The following HEMK1 variants were observed in gnomAD, a reference collection of about 807,000 sequenced individuals.
HEMK1 encodes the protein HemK methyltransferase 1, mitochondrial release factors N(5)-glutamine.
Under a neutral mutation model 47.9 loss-of-function variants are expected in HEMK1, and 36 were observed. That is an observed-to-expected ratio of 0.75 (90% CI 0.58 to 0.99). The LOEUF (loss-of-function observed/expected upper bound fraction) is 0.99, where lower values mean the gene tolerates loss of function less well. HEMK1 is among the 50% of genes least tolerant of loss of function. HEMK1 has a pLI of 0.00. For synonymous variants in HEMK1, 153 were observed against 165.4 expected (o/e 0.93, Z 0.57); for missense variants, 383 against 434.5 (o/e 0.88, Z 1.05).
At chr3:50,573,200 AG>A (rs1374946518) in intron 4 of HEMK1, among the ~76,000 whole-genome samples, 1 of 152,042 alleles carries the variant, frequency 6.6e-6, no homozygotes, top group Non-Finnish European at 1.5e-5. Flanking sequence ...CTGAAGTCAC[AG>A]GGCTGTCAAG....
rs2031728944 is a variant in HEMK1 at position 50,591,672 on chromosome 3, G to GTGTGTGTGTGTGTGTGTT, written c.*11272_*11273insTTGTGTGTGTGTGTGTGT. 6.7e-6 allele frequency: 1 copy of GTGTGTGTGTGTGTGTGTT among 149,802 alleles called. No individual in the cohort carries two copies. The highest frequency in any genetic ancestry group is 6.6e-5 in the Admixed American group (1 of 15,050). 9.3% of individuals were successfully genotyped at this position (149,802 alleles called of 1,614,324 possible). ...GGGTTGCATGCATGCACGTGTGTGT[G>GTGTGTGTGTGTGTGTGTT]TGTGTGTGTGTGTGTGTGTGTGTGT... On this transcript the variant is annotated 3_prime_UTR_variant, in exon 11 of 11. Coordinates refer to ENST00000232854, the MANE Select transcript of HEMK1 (RefSeq NM_016173.5).
rs2031690982 is a variant in HEMK1 at position 50,590,961 on chromosome 3, A to C, written c.*10544A>C. ...TGTGCTTTGGAAAGAGAGAAATGAG[A>C]AGCAAAACCCTAGGGCCCCAGTATC... On this transcript the variant is annotated 3_prime_UTR_variant, in exon 11 of 11. Coordinates refer to ENST00000232854, the MANE Select transcript of HEMK1 (RefSeq NM_016173.5). The C allele has an allele frequency of 6.6e-6, 1 of 152,186 alleles. No individual in the cohort carries two copies. Among genetic ancestry groups the C allele is most frequent in the Admixed American group, 6.5e-5 (1 of 15,280 alleles). The allele number at this position is 152,186 out of a possible 1,614,324, so 9.4% of individuals were successfully genotyped here.
At chr3:50,572,238 C>G (rs368055857) in intron 4 of HEMK1, 30 bp downstream of exon 4, 3 of 1,567,772 alleles carry the variant, frequency 1.9e-6, no homozygotes, top group Non-Finnish European at 2.6e-6. Flanking sequence ...AAGGCAGGAT[C>G]AGGATGATGG....
At position 50,592,867 on chromosome 3, in the gene HEMK1, G is replaced by T. The variant is rs1221419401; in HGVS notation, c.*12450G>T. ...GAGCACTGTGCCCGAGGCAAAGCTG[G>T]CCCCGTGGAGTTTGCTATTCCAGCT... On this transcript the variant is annotated 3_prime_UTR_variant, in exon 11 of 11. Transcript: ENST00000232854. 1.3e-5 allele frequency: 2 copies of T among 152,526 alleles called. No homozygotes were observed. The highest frequency in any genetic ancestry group is 2.9e-5 in the Non-Finnish European group (2 of 68,260). 9.4% of individuals were successfully genotyped at this position (152,526 alleles called of 1,614,324 possible). A position where few individuals can be genotyped will look rare whatever the true frequency, so the allele number is the denominator to read the frequency against.
At position 50,584,906 on chromosome 3, in the gene HEMK1, T is replaced by C. The variant is rs1352877806; in HGVS notation, c.*4489T>C. 2 of 152,200 alleles carry C rather than the reference T, an allele frequency of 1.3e-5. No homozygotes were observed. Among genetic ancestry groups the C allele is most frequent in the African/African-American group, 4.8e-5 (2 of 41,448 alleles). The allele number at this position is 152,200 out of a possible 1,614,324, so 9.4% of individuals were successfully genotyped here. On this transcript the variant is annotated 3_prime_UTR_variant, in exon 11 of 11. Transcript: ENST00000232854. ...AAATGGGCAGAGGCTGGAAGAATTT[T>C]GAGAGTCATGATAAATTGCCTTAAC...
chr3:50,590,202 A>G lies in HEMK1; in HGVS notation c.*9785A>G, dbSNP rs2031646993. ...TCCATCTCAAAAAAAAAAATTTAAA[A>G]ATAATAATTTTAAAAAAATGTTTTA... is the stretch of plus-strand genomic sequence containing the variant. On this transcript the variant is annotated 3_prime_UTR_variant, in exon 11 of 11. Coordinates refer to ENST00000232854, the MANE Select transcript of HEMK1 (RefSeq NM_016173.5). 1 of 151,970 alleles carries G rather than the reference A, an allele frequency of 6.6e-6. No homozygotes were observed. Among genetic ancestry groups the G allele is most frequent in the Non-Finnish European group, 1.5e-5 (1 of 68,042 alleles). 9.4% of individuals were successfully genotyped at this position (151,970 alleles called of 1,614,324 possible).
intron 7 of HEMK1, 116 bp downstream of exon 7, chr3:50,577,991 A>G (rs2029993901): frequency 3.4e-6 from 3 of 889,594 alleles, no homozygotes; most frequent in Admixed American, 3.5e-5. Flanking sequence ...ACAGCCACAC[A>G]CAACACACAC....
intron 4 of HEMK1, among the ~76,000 whole-genome samples, chr3:50,575,650 A>G (rs771587887): frequency 5.9e-5 from 9 of 152,120 alleles, no homozygotes; most frequent in Non-Finnish European, 1.0e-4. Context: ...TGGAATAGGT[A>G]GTCCTCTTTT....
chr3:50,571,617 GA>G (rs1700971133), intron 2 of HEMK1, 92 bp from the exon 3 acceptor site: 4 of 1,202,686 alleles, frequency 3.3e-6, no homozygotes, highest in Non-Finnish European at 3.7e-6. Flanking sequence ...TGGGCCTCCA[GA>G]CCAGTGCTGG....
At chr3:50,569,199 T>C (rs1022203315), upstream of HEMK1, 3 of 152,356 alleles carry the variant, frequency 2.0e-5, no homozygotes, top group Admixed American at 2.0e-4. Context: ...CCGGCCTGGT[T>C]CCTAAACGCC....
chr3:50,580,347 A>T (rs2030620009), intron 10 of HEMK1, 34 bp from the exon 11 acceptor site: 4 of 1,613,732 alleles, frequency 2.5e-6, no homozygotes, highest in Admixed American at 3.3e-5. Flanking sequence ...CCTGAGGCCC[A>T]GGTGGTAACC....
chr3:50,571,597 A>T (rs1030653069), intron 2 of HEMK1, 113 bp from the exon 3 acceptor site: 19 of 993,194 alleles, frequency 1.9e-5, no homozygotes, highest in Non-Finnish European at 2.9e-5. Flanking sequence ...GGCCCAGATG[A>T]TGAGAGGGTT....
At chr3:50,574,219 C>G (rs994560681) in intron 4 of HEMK1, among the ~76,000 whole-genome samples, 1 of 152,206 alleles carries the variant, frequency 6.6e-6, no homozygotes, top group Admixed American at 6.5e-5. Flanking sequence ...AGGGGGTGCC[C>G]TGAGCCTGTG....
At position 50,581,628 on chromosome 3, in the gene HEMK1, T is replaced by C. The variant is rs1418876028; in HGVS notation, c.*1211T>C. 6.6e-6 allele frequency: 1 copy of C among 152,246 alleles called. No homozygotes were observed. The highest frequency in any genetic ancestry group is 1.5e-5 in the Non-Finnish European group (1 of 68,050). 9.4% of individuals were successfully genotyped at this position (152,246 alleles called of 1,614,324 possible). ...TACTCTTAGTCAAGTGGAATGTGCA[T>C]GCTGGCATCTGAATGTCCATTCGCC... On this transcript the variant is annotated 3_prime_UTR_variant, in exon 11 of 11. Transcript: ENST00000232854.
chr3:50,583,703 ACT>A lies in HEMK1; in HGVS notation c.*3290_*3291del, dbSNP rs1474983148. Reference sequence around the variant, plus strand: ...CCCTGGGCTTCAGCCTTTGTGCAGTACTCTCGATGCCCTGAACACACACCTTC... The same window carrying A: ...CCCTGGGCTTCAGCCTTTGTGCAGTACTCGATGCCCTGAACACACACCTTC... On this transcript the variant is annotated 3_prime_UTR_variant, in exon 11 of 11. Coordinates refer to ENST00000232854, the MANE Select transcript of HEMK1 (RefSeq NM_016173.5). The A allele has an allele frequency of 1.3e-5, 2 of 151,884 alleles. No homozygotes were observed. Among genetic ancestry groups the A allele is most frequent in the African/African-American group, 4.8e-5 (2 of 41,312 alleles). 9.4% of individuals were successfully genotyped at this position (151,884 alleles called of 1,614,324 possible). A position where few individuals can be genotyped will look rare whatever the true frequency, so the allele number is the denominator to read the frequency against.
At chr3:50,576,684 C>T (rs1437853813) in intron 4 of HEMK1, among the ~76,000 whole-genome samples, 1 of 152,232 alleles carries the variant, frequency 6.6e-6, no homozygotes, top group Non-Finnish European at 1.5e-5. Flanking sequence ...GTTGGGATTA[C>T]AGGCATGAGC....
rs376338568 is a variant in HEMK1 at position 50,577,885 on chromosome 3, C to T, written c.664+10C>T. On this transcript the variant is annotated intron_variant, in intron 7 of 10. Coordinates refer to ENST00000232854, the MANE Select transcript of HEMK1 (RefSeq NM_016173.5). ...CTCGACATGACCTCAGGTACCCTCCCCTGCATGTTCCTTGAGAGAGGGAGA... is the reference window on the plus strand; with the variant it reads ...CTCGACATGACCTCAGGTACCCTCCTCTGCATGTTCCTTGAGAGAGGGAGA... 44 of 1,613,414 alleles carry T rather than the reference C, an allele frequency of 2.7e-5. No homozygotes were observed. The Middle Eastern group carries it at 1.2e-3, about 42-fold the overall frequency.
At position 50,579,879 on chromosome 3, in the gene HEMK1, A is replaced by T; in HGVS notation, c.806A>T (p.Glu269Val). 1 of 1,613,824 alleles carries T rather than the reference A, an allele frequency of 6.2e-7. No homozygotes were observed. The highest frequency in any genetic ancestry group is 8.5e-7 in the Non-Finnish European group (1 of 1,179,886). ...CCCGCGGCCCTGGATGGTGGGGAGG[A>T]GGGCATGGACATCATTACCCACATT... ...EDPAALDGGEEGMDIITHILA... is the reference protein window; with the variant it reads ...EDPAALDGGEVGMDIITHILA... The change falls in exon 9 of 11, where the codon GAG (glutamate) becomes GTG (valine). Residue 269 changes from glutamate to valine, a missense_variant. Coordinates refer to ENST00000232854, the MANE Select transcript of HEMK1 (RefSeq NM_016173.5).
intron 10 of HEMK1, 64 bp downstream of exon 10, chr3:50,580,293 C>T (rs1442685469): frequency 2.5e-6 from 4 of 1,605,432 alleles, no homozygotes; most frequent in Non-Finnish European, 3.4e-6. Flanking sequence ...CATCCTCAGC[C>T]CTGGCTGTCA....
Sources: allele counts gnomAD v4.1 joint callset (sites outside exome capture counted in the v4.1 genomes callset), GRCh38; gene constraint gnomAD v4.1.1; transcripts MANE v1.5; gene names NCBI Gene and HGNC (gene_info 2026-07-23, HGNC 2026-07-21).